The following ACER1 variants were observed in gnomAD, a reference collection of about 807,000 sequenced individuals.
ACER1 encodes alkaline ceramidase 1.
In ACER1, 28 loss-of-function variants were observed where a neutral mutation model predicts 24.9. The observed-to-expected ratio is 1.13, with a 90% CI of 0.83 to 1.54. The LOEUF (loss-of-function observed/expected upper bound fraction) is 1.54, where lower values mean the gene tolerates loss of function less well. ACER1 is among the 40% of genes most tolerant of loss of function. The pLI is 0.00. For missense variants in ACER1, 352 were observed against 349.3 expected (o/e 1.01, Z -0.06); for synonymous variants, 132 against 131.4 (o/e 1.00, Z -0.03).
At chr19:6,320,102 CAAA>C (rs59776363) in intron 1 of ACER1, among the ~76,000 whole-genome samples, 8 of 101,478 alleles carry the variant, frequency 7.9e-5, no homozygotes, top group Non-Finnish European at 1.5e-4. Flanking sequence ...GATTCTGTCT[CAAA>C]AAAAAAAAAA....
intron 5 of ACER1, 129 bp from the exon 6 acceptor site, chr19:6,307,011 A>G (rs1345160932): frequency 1.3e-6 from 2 of 1,487,756 alleles, no homozygotes; most frequent in South Asian, 1.3e-5. Flanking sequence ...CCGTGACTGC[A>G]GCCTTCCCCT....
At chr19:6,333,412 T>C (rs2091698313) in intron 1 of ACER1, 47 bp downstream of exon 1, 1 of 1,477,732 alleles carries the variant, frequency 6.8e-7, no homozygotes, top group Non-Finnish European at 9.2e-7. Flanking sequence ...GGAACCGGGA[T>C]TCGAACCGGC....
At chr19:6,341,316 A>G in the ACER1 span, among the ~76,000 whole-genome samples, 6 of 151,106 alleles carry the variant, frequency 4.0e-5, no homozygotes, top group African/African-American at 1.5e-4. Context: ...TCTCAAAAAA[A>G]ACAACAACAA....
rs766132556 is a variant in ACER1, at chr19:6,312,234, C to T, written c.265G>A (p.Glu89Lys). The T allele has an allele frequency of 1.9e-5, 30 of 1,613,930 alleles. No homozygotes were observed. In the South Asian group the frequency reaches 2.4e-4, roughly 13 times the overall value. Residue 89 changes from glutamate to lysine, a missense_variant, in exon 3 of 6, where the codon GAG becomes AAG. Physicochemically the swap from Glu to Lys is moderately conservative, Grantham distance 56 (BLOSUM62 1). Transcript: ENST00000301452. Reference sequence around the variant, plus strand: ...CCCAGGAGCCACAGGATGGCGATCTCGTCCAGCAGCTGGCCCAGGAAGCTG... The same window carrying T: ...CCCAGGAGCCACAGGATGGCGATCTTGTCCAGCAGCTGGCCCAGGAAGCTG... The part of the protein sequence containing the change: ...TLSFLGQLLD[E>K]IAILWLLGSG...
chr19:6,349,153 G>A, the ACER1 span, among the ~76,000 whole-genome samples: 1 of 150,330 alleles, frequency 6.7e-6, no homozygotes, highest in Non-Finnish European at 1.5e-5. Context: ...AAAGAAAGAA[G>A]GAAGAAGGAA....
At position 6,307,282 on chromosome 19, in the gene ACER1, T is replaced by C. The variant is rs780678028; in HGVS notation, c.497A>G (p.Asn166Ser). The change falls in exon 5 of 6, where the codon AAT (asparagine) becomes AGT (serine). Residue 166 changes from asparagine to serine, a missense_variant. Transcript: ENST00000301452. ...IVCQEYRKTS[N>S]KELRHLIEVS... Reference sequence around the variant, plus strand: ...CTCAATCAGGTGCCGAAGCTCCTTATTGCTGGTCCTAGAGAGGGGAGAGGG... The same window carrying C: ...CTCAATCAGGTGCCGAAGCTCCTTACTGCTGGTCCTAGAGAGGGGAGAGGG... 1.9e-6 allele frequency: 3 copies of C among 1,613,864 alleles called. No homozygotes were observed. The highest frequency in any genetic ancestry group is 1.3e-5 in the African/African-American group (1 of 74,982).
At position 6,306,722 on chromosome 19, in the gene ACER1, C is replaced by G; in HGVS notation, c.787G>C (p.Asp263His). 2 of 1,609,134 alleles carry G rather than the reference C, an allele frequency of 1.2e-6. No homozygotes were observed. The highest frequency in any genetic ancestry group is 1.7e-6 in the Non-Finnish European group (2 of 1,177,152). The stretch of plus-strand genomic sequence containing the variant: ...CAAGAGGCTGGCAGGTCTCAGCAGT[C>G]CTTGTCATCACCCCGGATTTCCACG... Reference protein sequence around the residue: ...PYVEIRGDDKDC With the variant: ...PYVEIRGDDKHC Residue 263 changes from aspartate to histidine, a missense_variant, in exon 6 of 6, where the codon GAC (aspartate) becomes CAC (histidine). Asp to His is a moderately conservative substitution (Grantham distance 81, BLOSUM62 -1). Coordinates refer to ENST00000301452, the MANE Select transcript of ACER1 (RefSeq NM_133492.3).
chr19:6,313,543 C>T (rs1355808780), intron 1 of ACER1, among the ~76,000 whole-genome samples: 1 of 152,184 alleles, frequency 6.6e-6, no homozygotes, highest in East Asian at 1.9e-4. Context: ...CCTGCTCTGG[C>T]CAATGAGATA....
chr19:6,309,247 A>C (rs1568307779), intron 4 of ACER1, among the ~76,000 whole-genome samples: 1 of 151,966 alleles, frequency 6.6e-6, no homozygotes, highest in Non-Finnish European at 1.5e-5. Flanking sequence ...GGGTGGATGC[A>C]GTGGCTCACA....
chr19:6,354,301 G>A, the ACER1 span, among the ~76,000 whole-genome samples: 32 of 151,400 alleles, frequency 2.1e-4, no homozygotes, highest in Non-Finnish European at 4.6e-4. Flanking sequence ...ACTTTTTACT[G>A]TTAGGGGGGC....
chr19:6,334,491 C>T (rs1227645344), upstream of ACER1, among the ~76,000 whole-genome samples: 1 of 151,902 alleles, frequency 6.6e-6, no homozygotes, highest in Non-Finnish European at 1.5e-5. Flanking sequence ...ATGACTGGCA[C>T]CTGCCACCAT....
Position 6,333,478 on chromosome 19 carries a change from A to G in ACER1, c.74T>C (p.Val25Ala). 6.3e-7 allele frequency: 1 copy of G among 1,591,164 alleles called. No individual in the cohort carries two copies. The highest frequency in any genetic ancestry group is 8.6e-7 in the Non-Finnish European group (1 of 1,168,142). ...ACTCACCGTGTTGTAGAACTCGGCC[A>G]CCAGCTCCGAGTACTGGAAGTTGCT... ...CESNFQYSEL[V>A]AEFYNTFSNI... The change falls in exon 1 of 6, where the codon GTG becomes GCG. Residue 25 changes from valine (V) to alanine (A), a missense_variant. Physicochemically the swap from Val to Ala is moderately conservative, Grantham distance 64. Transcript: ENST00000301452.
intron 1 of ACER1, among the ~76,000 whole-genome samples, chr19:6,331,971 T>A (rs1401728018): frequency 6.9e-6 from 1 of 145,180 alleles, no homozygotes; most frequent in East Asian, 2.0e-4. Context: ...TTCCTATTTT[T>A]TTTTTTTTTT....
chr19:6,310,605 A>G (rs2091574468), intron 3 of ACER1, among the ~76,000 whole-genome samples: 1 of 151,536 alleles, frequency 6.6e-6, no homozygotes, highest in Non-Finnish European at 1.5e-5. Flanking sequence ...CTAGCCCGGC[A>G]CGGTGGCTCG....
At chr19:6,355,708 A>G in the ACER1 span, among the ~76,000 whole-genome samples, 2 of 133,568 alleles carry the variant, frequency 1.5e-5, no homozygotes, top group African/African-American at 6.1e-5. Flanking sequence ...GGAAGTGAGG[A>G]GCCCCTCTGC....
chr19:6,309,623 C>T, intron 4 of ACER1, 74 bp downstream of exon 4: 6 of 1,590,436 alleles, frequency 3.8e-6, no homozygotes, highest in Non-Finnish European at 5.2e-6. Flanking sequence ...GACGTCCCCT[C>T]CGCGAGCCTG....
intron 2 of ACER1, 39 bp downstream of exon 2, chr19:6,312,346 G>A: frequency 1.2e-6 from 2 of 1,613,648 alleles, no homozygotes; most frequent in Non-Finnish European, 1.7e-6. Flanking sequence ...AACCCCCACT[G>A]CCTCCCGACT....
the ACER1 span, among the ~76,000 whole-genome samples, chr19:6,345,781 TCTCCAA>T: frequency 6.6e-6 from 1 of 151,724 alleles, no homozygotes; most frequent in East Asian, 1.9e-4. Flanking sequence ...CCCAGACTGG[TCTCCAA>T]CTCCTGACCT....
intron 1 of ACER1, among the ~76,000 whole-genome samples, chr19:6,326,793 A>G (rs1288433162): frequency 6.6e-6 from 1 of 152,158 alleles, no homozygotes; most frequent in Non-Finnish European, 1.5e-5. Flanking sequence ...TTTTGATTGA[A>G]TAAATGAATG....
Sources: allele counts gnomAD v4.1 joint callset (sites outside exome capture counted in the v4.1 genomes callset), GRCh38; gene constraint gnomAD v4.1.1; transcripts MANE v1.5; gene names NCBI Gene and HGNC (gene_info 2026-07-23, HGNC 2026-07-21).